The following PPFIA2 variants were observed in gnomAD, a reference collection of about 807,000 sequenced individuals.
PPFIA2 encodes PPFI scaffold protein A2.
A neutral mutation model predicts 175.5 loss-of-function variants in PPFIA2; 46 were observed. The ratio of observed to expected loss-of-function variants is 0.26; its 90% CI spans 0.21 to 0.34. The LOEUF (loss-of-function observed/expected upper bound fraction) is 0.34, where lower values mean the gene tolerates loss of function less well. Ranked by LOEUF, PPFIA2 falls within the 10% of genes least tolerant of loss-of-function variation. The pLI is 1.00. For synonymous variants in PPFIA2, 568 were observed against 511.4 expected (o/e 1.11, Z -1.49); for missense variants, 1,179 against 1,506.1 (o/e 0.78, Z 3.60).
chr12:81,390,715 T>C (rs1039127454), intron 8 of PPFIA2, among the ~76,000 whole-genome samples: 5 of 152,066 alleles, frequency 3.3e-5, no homozygotes, highest in South Asian at 2.1e-4. Flanking sequence ...AGCTTTTCTC[T>C]ATTCTGTAGA....
intron 8 of PPFIA2, among the ~76,000 whole-genome samples, chr12:81,398,199 G>A (rs2041498031): frequency 6.6e-6 from 1 of 151,990 alleles, no homozygotes; most frequent in Admixed American, 6.6e-5. Context: ...CATTGGAGTA[G>A]ACAAAGAAAA....
At chr12:81,538,790 G>A (rs1009108227) in intron 4 of PPFIA2, among the ~76,000 whole-genome samples, 4 of 151,862 alleles carry the variant, frequency 2.6e-5, no homozygotes, top group Non-Finnish European at 4.4e-5. Context: ...CATGAGTCGT[G>A]TCCATGGGTC....
chr12:81,694,084 A>C (rs2075603194), intron 3 of PPFIA2, among the ~76,000 whole-genome samples: 1 of 152,184 alleles, frequency 6.6e-6, no homozygotes, highest in African/African-American at 2.4e-5. Flanking sequence ...AAAACAATGC[A>C]TAAAGTTTGG....
chr12:81,546,900 G>A (rs1319085517), intron 4 of PPFIA2, among the ~76,000 whole-genome samples: 1 of 152,032 alleles, frequency 6.6e-6, no homozygotes, highest in Non-Finnish European at 1.5e-5. Context: ...GAGGACCACT[G>A]GTCCAGAGAA....
At chr12:81,647,956 G>C (rs369212255) in intron 4 of PPFIA2, among the ~76,000 whole-genome samples, 2 of 146,154 alleles carry the variant, frequency 1.4e-5, no homozygotes, top group African/African-American at 2.5e-5. Flanking sequence ...CTTCTTGTCA[G>C]AAGCATTGAA....
rs1300686926 is a variant in PPFIA2, at chr12:81,642,707, T to C, written c.303+34084A>G. On this transcript the variant is annotated intron_variant, in intron 4 of 32. Coordinates refer to ENST00000549396, the MANE Select transcript of PPFIA2 (RefSeq NM_003625.5). Reference sequence around the variant, plus strand: ...TCTATTATATACATACATGTATATGTATGTATGTATTATATACATACATGT... The same window carrying C: ...TCTATTATATACATACATGTATATGCATGTATGTATTATATACATACATGT... Among the ~76,000 whole-genome samples the C allele has an allele frequency of 4.2e-4, 29 of 69,866 alleles. 11 individuals carry two copies. The highest frequency in any genetic ancestry group is 1.0e-3 in the African/African-American group (26 of 25,430). The allele number at this position is 69,866 out of a possible 152,430, so 45.8% of individuals were successfully genotyped here.
intron 28 of PPFIA2, among the ~76,000 whole-genome samples, chr12:81,268,481 G>A (rs1355788409): frequency 6.6e-6 from 1 of 152,142 alleles, no homozygotes; most frequent in Non-Finnish European, 1.5e-5. Flanking sequence ...TGAGCCATGG[G>A]TATCTGGCCA....
rs150558348 is a variant in PPFIA2, at chr12:81,521,962, T to C, written c.304-64096A>G. ...TTACATAAAGGATTAATTTTTGCAA[T>C]TGTTCTTTTTCCAACCAAACATGAT... is the stretch of plus-strand genomic sequence containing the variant. On this transcript the variant is annotated intron_variant, in intron 4 of 32. Transcript: ENST00000549396. Among the ~76,000 whole-genome samples, 265 of 152,322 alleles carry C rather than the reference T, an allele frequency of 1.7e-3. 2 individuals are homozygous for C. The highest frequency in any genetic ancestry group is 6.1e-3 in the African/African-American group (253 of 41,568).
intron 3 of PPFIA2, among the ~76,000 whole-genome samples, chr12:81,751,764 G>A (rs998667046): frequency 6.6e-6 from 1 of 152,054 alleles, no homozygotes; most frequent in Non-Finnish European, 1.5e-5. Context: ...TGAATAGCTA[G>A]AAATAAAACA....
chr12:81,664,060 A>G (rs186614871), intron 4 of PPFIA2, among the ~76,000 whole-genome samples: 9 of 152,328 alleles, frequency 5.9e-5, no homozygotes, highest in Admixed American at 5.2e-4. Context: ...AAAGACTTAA[A>G]TGTTAGACCT....
At chr12:81,722,754 T>A (rs1005998017) in intron 3 of PPFIA2, among the ~76,000 whole-genome samples, 1 of 151,006 alleles carries the variant, frequency 6.6e-6, no homozygotes. Flanking sequence ...TAAATTTATG[T>A]TCCAAATCAC....
At chr12:81,615,178 G>T (rs1038383890) in intron 4 of PPFIA2, among the ~76,000 whole-genome samples, 3 of 152,212 alleles carry the variant, frequency 2.0e-5, no homozygotes, top group Non-Finnish European at 4.4e-5. Context: ...AAAGACAGCT[G>T]CAAGGGCTTT....
chr12:81,743,584 G>A (rs1042997734), intron 3 of PPFIA2, among the ~76,000 whole-genome samples: 4 of 151,626 alleles, frequency 2.6e-5, no homozygotes, highest in Admixed American at 1.3e-4. Context: ...TATTAGAGAT[G>A]GACCAATTCA....
chr12:81,670,042 T>A (rs1219283676), intron 4 of PPFIA2, among the ~76,000 whole-genome samples: 4 of 151,954 alleles, frequency 2.6e-5, no homozygotes, highest in African/African-American at 9.7e-5. Flanking sequence ...TTTAAGTGTT[T>A]GGCTTTTGAG....
intron 24 of PPFIA2, among the ~76,000 whole-genome samples, chr12:81,290,151 C>T (rs1000703142): frequency 3.3e-5 from 5 of 151,608 alleles, no homozygotes; most frequent in Non-Finnish European, 3.0e-5. Flanking sequence ...TTAATAAACA[C>T]GAAATACCTG....
intron 3 of PPFIA2, among the ~76,000 whole-genome samples, chr12:81,702,510 C>T (rs1434204343): frequency 1.3e-5 from 2 of 152,086 alleles, no homozygotes; most frequent in Admixed American, 1.3e-4. Flanking sequence ...GTTGTCTACA[C>T]TCTATTTGTC....
intron 3 of PPFIA2, among the ~76,000 whole-genome samples, chr12:81,721,622 C>A (rs910341668): frequency 6.6e-6 from 1 of 151,300 alleles, no homozygotes; most frequent in Non-Finnish European, 1.5e-5. Flanking sequence ...TGTTCCACCA[C>A]CTACACATGC....
chr12:81,602,961 G>C (rs749539972), intron 4 of PPFIA2, among the ~76,000 whole-genome samples: 21 of 151,804 alleles, frequency 1.4e-4, no homozygotes, highest in Non-Finnish European at 2.5e-4. Context: ...TACGTTTCCG[G>C]TGGTTGATAA....
intron 4 of PPFIA2, among the ~76,000 whole-genome samples, chr12:81,525,394 C>T (rs550029686): frequency 3.3e-5 from 5 of 152,170 alleles, no homozygotes; most frequent in Admixed American, 2.0e-4. Flanking sequence ...GTTGACTAAA[C>T]CAGGTAAAAG....
Sources: gnomAD v4.1 joint callset for allele counts (sites outside exome capture counted in the v4.1 genomes callset) on GRCh38, gnomAD v4.1.1 for gene constraint, MANE v1.5 for transcripts, NCBI Gene and HGNC (gene_info 2026-07-23, HGNC 2026-07-21) for gene names.